Variants in CSMD1 observed in about 807,000 individuals in gnomAD.
The protein encoded by CSMD1 is CUB and Sushi multiple domains 1, also known as CUB and sushi domain-containing protein 1.
CSMD1 carries 213 observed loss-of-function variants against 417.5 expected under a neutral mutation model. That is an observed-to-expected ratio of 0.51 (90% CI 0.46 to 0.57). The LOEUF (loss-of-function observed/expected upper bound fraction) is 0.57, where lower values mean the gene tolerates loss of function less well. Ranked by LOEUF, CSMD1 falls within the 20% of genes least tolerant of loss-of-function variation. The pLI, the probability that CSMD1 is intolerant of heterozygous loss-of-function variation, is 0.00. For missense variants in CSMD1, 6,923 were observed against 4,529.7 expected, an observed-to-expected ratio of 1.53 and a Z score of -15.17; for synonymous variants, 2,862 against 1,736.8, an observed-to-expected ratio of 1.65 and a Z score of -16.11.
intron 26 of CSMD1, among the ~76,000 whole-genome samples, chr8:3,277,978 C>G (rs1378666554): frequency 2.0e-5 from 3 of 152,098 alleles, no homozygotes; most frequent in African/African-American, 7.2e-5. Flanking sequence ...TCTGCAGAAA[C>G]CTTCGTGGGT....
intron 1 of CSMD1, among the ~76,000 whole-genome samples, chr8:4,839,023 C>A (rs1361614989): frequency 8.5e-5 from 13 of 152,156 alleles, no homozygotes; most frequent in Non-Finnish European, 1.9e-4. Context: ...TGTGGTTTTG[C>A]CAGTATAACT....
intron 27 of CSMD1, among the ~76,000 whole-genome samples, chr8:3,226,458 C>G (rs568714604): frequency 6.6e-6 from 1 of 151,746 alleles, no homozygotes; most frequent in Non-Finnish European, 1.5e-5. Context: ...TGGCACGCAC[C>G]TATAATCCTA....
chr8:4,504,516 C>A (rs552922708), intron 2 of CSMD1, among the ~76,000 whole-genome samples: 4 of 152,240 alleles, frequency 2.6e-5, no homozygotes, highest in Non-Finnish European at 4.4e-5. Flanking sequence ...GCAGAACATG[C>A]AGGTTCGTTA....
chr8:3,935,669 T>C (rs902589308), intron 5 of CSMD1, among the ~76,000 whole-genome samples: 1 of 152,154 alleles, frequency 6.6e-6, no homozygotes, highest in South Asian at 2.1e-4. Flanking sequence ...TCAATAAATG[T>C]GTGTGTTCTG....
chr8:4,220,611 G>A (rs1800971523), intron 3 of CSMD1, among the ~76,000 whole-genome samples: 1 of 152,192 alleles, frequency 6.6e-6, no homozygotes, highest in Admixed American at 6.5e-5. Context: ...CATGTGAGAG[G>A]AAGGACCAGT....
At chr8:3,921,762 C>A (rs769869497) in intron 5 of CSMD1, among the ~76,000 whole-genome samples, 1 of 152,288 alleles carries the variant, frequency 6.6e-6, no homozygotes, top group African/African-American at 2.4e-5. Context: ...AATATGAGTG[C>A]AATCTTCTTT....
At chr8:3,497,708 T>C (rs1001948186) in intron 10 of CSMD1, among the ~76,000 whole-genome samples, 11 of 152,238 alleles carry the variant, frequency 7.2e-5, no homozygotes, top group African/African-American at 2.7e-4. Flanking sequence ...GAGTTTCTTA[T>C]AGGCAGTATG....
At chr8:3,629,819 G>A (rs1255177897) in intron 7 of CSMD1, among the ~76,000 whole-genome samples, 1 of 152,076 alleles carries the variant, frequency 6.6e-6, no homozygotes, top group African/African-American at 2.4e-5. Flanking sequence ...ACATAACTTC[G>A]GTCCGTCAGA....
intron 3 of CSMD1, among the ~76,000 whole-genome samples, chr8:4,051,306 C>G (rs1288862613): frequency 1.5e-5 from 1 of 67,594 alleles, no homozygotes; most frequent in African/African-American, 6.9e-5. Flanking sequence ...GTTTTGAAGA[C>G]TCAAAAAAAA....
In CSMD1 at chr8:3,188,884, C is replaced by T. The variant is rs777121613; in HGVS notation, c.5523+3G>A. ...TTGTAGACTGTGGACTTCAAGGACT[C>T]ACCTGAATTCCCGAGCCCTCCGTAA... On this transcript the variant is annotated splice_donor_region_variant and intron_variant, in intron 35 of 69. Coordinates refer to ENST00000635120, the MANE Select transcript of CSMD1 (RefSeq NM_033225.6). 1.3e-6 allele frequency: 2 copies of T among 1,558,754 alleles called. No individual in the cohort carries two copies. Among genetic ancestry groups the T allele is most frequent in the Admixed American group, 3.9e-5 (2 of 51,500 alleles).
intron 17 of CSMD1, among the ~76,000 whole-genome samples, chr8:3,388,773 T>C (rs1474416489): frequency 6.6e-6 from 1 of 152,158 alleles, no homozygotes; most frequent in East Asian, 1.9e-4. Context: ...CAGGAAAGCC[T>C]CCTTCCAACT....
At chr8:3,390,356 A>C (rs1333669939) in intron 17 of CSMD1, among the ~76,000 whole-genome samples, 1 of 41,598 alleles carries the variant, frequency 2.4e-5, no homozygotes, top group African/African-American at 1.2e-4. Flanking sequence ...CTCTGTCTCA[A>C]AAAAAAAAAA....
chr8:3,999,157 TTTC>T (rs1362248404), intron 4 of CSMD1, among the ~76,000 whole-genome samples: 8 of 151,998 alleles, frequency 5.3e-5, no homozygotes, highest in Admixed American at 4.6e-4. Flanking sequence ...CTTCCTTTTC[TTTC>T]TTCTTTTTCT....
At chr8:3,830,351 T>G (rs571444756) in intron 5 of CSMD1, among the ~76,000 whole-genome samples, 1 of 152,220 alleles carries the variant, frequency 6.6e-6, no homozygotes, top group African/African-American at 2.4e-5. Context: ...GGTTCACATC[T>G]CTGCTCAGAG....
intron 1 of CSMD1, among the ~76,000 whole-genome samples, chr8:4,882,584 C>T (rs142524651): frequency 1.4e-4 from 21 of 151,960 alleles, no homozygotes; most frequent in African/African-American, 4.8e-4. Flanking sequence ...GAACATTCAA[C>T]CCCAAGCATA....
chr8:4,985,062 G>A (rs1240123431), intron 1 of CSMD1, among the ~76,000 whole-genome samples: 1 of 152,152 alleles, frequency 6.6e-6, no homozygotes, highest in Non-Finnish European at 1.5e-5. Flanking sequence ...TCCTTTGCAG[G>A]GACGTGGGTG....
At chr8:4,884,158 T>C (rs1803579666) in intron 1 of CSMD1, among the ~76,000 whole-genome samples, 1 of 152,076 alleles carries the variant, frequency 6.6e-6, no homozygotes, top group Non-Finnish European at 1.5e-5. Flanking sequence ...CTTTTGCTTC[T>C]TTTAAAAAAT....
intron 3 of CSMD1, among the ~76,000 whole-genome samples, chr8:4,403,659 C>G (rs1446485680): frequency 3.3e-5 from 5 of 152,144 alleles, no homozygotes; most frequent in Non-Finnish European, 5.9e-5. Context: ...GTTTTCATCT[C>G]TCTAGAGTCT....
chr8:3,763,827 T>G (rs1798133364), intron 5 of CSMD1, among the ~76,000 whole-genome samples: 1 of 152,198 alleles, frequency 6.6e-6, no homozygotes, highest in African/African-American at 2.4e-5. Context: ...CACATAATCC[T>G]GAGGACACTA....
Sources: gnomAD v4.1 joint callset for allele counts (sites outside exome capture counted in the v4.1 genomes callset) on GRCh38, gnomAD v4.1.1 for gene constraint, MANE v1.5 for transcripts, NCBI Gene and HGNC (gene_info 2026-07-23, HGNC 2026-07-21) for gene names.